XKR6: variants seen among roughly 807,000 people sequenced by gnomAD.
The protein encoded by XKR6 is XK related 6.
Under a neutral mutation model 56.7 loss-of-function variants are expected in XKR6, and 22 were observed. The observed-to-expected ratio is 0.39, with a 90% CI of 0.28 to 0.55. The LOEUF (loss-of-function observed/expected upper bound fraction) is 0.55, where lower values mean the gene tolerates loss of function less well. XKR6 is among the 20% of genes least tolerant of loss of function. XKR6 has a pLI of 0.66. For synonymous variants in XKR6, 524 were observed against 387.8 expected, an observed-to-expected ratio of 1.35 and a Z score of -4.13; for missense variants, 852 against 889.0, an observed-to-expected ratio of 0.96 and a Z score of 0.53.
intron 1 of XKR6, among the ~76,000 whole-genome samples, chr8:11,162,805 C>G (rs1271631034): frequency 6.6e-6 from 1 of 152,172 alleles, no homozygotes; most frequent in Admixed American, 6.5e-5. Context: ...TGTAAGAAGC[C>G]GAAGTGTTTC....
In XKR6 at chr8:10,990,373, C is replaced by G. The variant is rs113366859; in HGVS notation, c.765-65543G>C. On this transcript the variant is annotated intron_variant, in intron 1 of 2. Coordinates refer to ENST00000416569, the MANE Select transcript of XKR6 (RefSeq NM_173683.4). ...TGCTCTGGTCCCAAAGGGAGCTGTC[C>G]ATGGTCACAACCCATCGTGGCTGGG... 7.7e-4 allele frequency among the ~76,000 whole-genome samples: 117 copies of G among 152,306 alleles called. 1 individual carries two copies. In the South Asian group the frequency reaches 8.3e-3, roughly 11 times the overall value.
chr8:11,045,350 A>T (rs528598799), intron 1 of XKR6, among the ~76,000 whole-genome samples: 1 of 152,016 alleles, frequency 6.6e-6, no homozygotes, highest in African/African-American at 2.4e-5. Flanking sequence ...GGCCTCCCAG[A>T]GTGCTGGGAT....
At chr8:11,001,792 C>T (rs977377856) in intron 1 of XKR6, among the ~76,000 whole-genome samples, 6 of 152,190 alleles carry the variant, frequency 3.9e-5, no homozygotes, top group Admixed American at 6.5e-5. Flanking sequence ...TCCCAGTGGG[C>T]AGAGCAGCCC....
At position 10,972,123 on chromosome 8, in the gene XKR6, C is replaced by T. The variant is rs186941321; in HGVS notation, c.765-47293G>A. Among the ~76,000 whole-genome samples, 8 of 152,228 alleles carry T rather than the reference C, an allele frequency of 5.3e-5. No individual in the cohort carries two copies. The East Asian group carries it at 1.4e-3, about 26-fold the overall frequency. ...CTGGCTGGAACACCCTGAGTGCCTTCCGACCCCGACTGCTTGGGGGTTCAT... is the reference window on the plus strand; with the variant it reads ...CTGGCTGGAACACCCTGAGTGCCTTTCGACCCCGACTGCTTGGGGGTTCAT... On this transcript the variant is annotated intron_variant, in intron 1 of 2. Transcript: ENST00000416569.
intron 1 of XKR6, among the ~76,000 whole-genome samples, chr8:11,071,150 G>A (rs950422353): frequency 1.3e-5 from 2 of 152,230 alleles, no homozygotes; most frequent in Non-Finnish European, 2.9e-5. Context: ...GGTGGGCAAA[G>A]CAGTGAGGTG....
intron 1 of XKR6, among the ~76,000 whole-genome samples, chr8:10,970,433 A>G (rs1802372767): frequency 6.6e-6 from 1 of 152,196 alleles, no homozygotes. Context: ...ATTCTCCACC[A>G]TGTGACTGGC....
chr8:10,907,942 C>T (rs1396979719), intron 2 of XKR6, among the ~76,000 whole-genome samples: 1 of 152,348 alleles, frequency 6.6e-6, no homozygotes, highest in South Asian at 2.1e-4. Flanking sequence ...ATCTGCCCTC[C>T]TCCCAACACT....
At chr8:10,992,070 A>G (rs1798006050) in intron 1 of XKR6, among the ~76,000 whole-genome samples, 1 of 152,198 alleles carries the variant, frequency 6.6e-6, no homozygotes, top group South Asian at 2.1e-4. Flanking sequence ...TCCTGCCGCC[A>G]GGCCTCCACA....
intron 1 of XKR6, among the ~76,000 whole-genome samples, chr8:10,959,180 T>G (rs930456307): frequency 4.6e-5 from 7 of 152,168 alleles, no homozygotes; most frequent in African/African-American, 1.7e-4. Context: ...CTTCTCCTGG[T>G]CACCGGATCT....
chr8:11,043,111 G>A (rs4349949), intron 1 of XKR6, among the ~76,000 whole-genome samples: 53,030 of 151,968 alleles, frequency 0.35, 11,504 homozygotes, highest in African/African-American at 0.62. Flanking sequence ...GGCTCCCTAG[G>A]AACTCCATGC....
At chr8:11,156,782 T>C (rs986241525) in intron 1 of XKR6, among the ~76,000 whole-genome samples, 4 of 151,780 alleles carry the variant, frequency 2.6e-5, no homozygotes, top group African/African-American at 9.7e-5. Context: ...AGGTAAATAC[T>C]CCCCAGTCCA....
chr8:11,108,076 G>C (rs113902964), intron 1 of XKR6: 23 of 334,504 alleles, frequency 6.9e-5, no homozygotes, highest in South Asian at 3.0e-4. Flanking sequence ...CGATGTAACA[G>C]GTGGAGAATC....
intron 1 of XKR6, among the ~76,000 whole-genome samples, chr8:10,967,169 G>A (rs1176308858): frequency 6.6e-6 from 1 of 152,166 alleles, no homozygotes; most frequent in Non-Finnish European, 1.5e-5. Context: ...ATACTCACTG[G>A]CAGTGCAATC....
chr8:11,195,565 A>G (rs552776602), intron 1 of XKR6, among the ~76,000 whole-genome samples: 4 of 152,226 alleles, frequency 2.6e-5, no homozygotes, highest in Admixed American at 2.6e-4. Flanking sequence ...ACATTCTTCA[A>G]AGTTTTTTTT....
intron 1 of XKR6, chr8:11,104,733 A>C (rs560607445): frequency 6.6e-6 from 1 of 152,214 alleles, no homozygotes; most frequent in Non-Finnish European, 1.5e-5. Context: ...TTTTTTGCAG[A>C]TTGGTGGCTA....
At chr8:11,022,832 G>T (rs746897516) in intron 1 of XKR6, among the ~76,000 whole-genome samples, 1 of 152,104 alleles carries the variant, frequency 6.6e-6, no homozygotes, top group Non-Finnish European at 1.5e-5. Flanking sequence ...TTTTTTATTT[G>T]TTATAAATAT....
intron 1 of XKR6, among the ~76,000 whole-genome samples, chr8:11,070,453 A>G (rs1282880983): frequency 6.6e-6 from 1 of 152,192 alleles, no homozygotes; most frequent in Non-Finnish European, 1.5e-5. Flanking sequence ...GTAGGAGGAG[A>G]AGATCAGAAA....
intron 1 of XKR6, among the ~76,000 whole-genome samples, chr8:10,964,181 G>A (rs1355103897): frequency 6.6e-6 from 1 of 152,112 alleles, no homozygotes; most frequent in Non-Finnish European, 1.5e-5. Context: ...GGGGCTGCCT[G>A]AGCTTCTCCT....
chr8:11,149,056 G>T (rs1010361969), intron 1 of XKR6, among the ~76,000 whole-genome samples: 1 of 152,198 alleles, frequency 6.6e-6, no homozygotes, highest in Non-Finnish European at 1.5e-5. Flanking sequence ...AAACTGTGGG[G>T]GTCTCAGGAC....
Sources: gnomAD v4.1 joint callset for allele counts (sites outside exome capture counted in the v4.1 genomes callset) on GRCh38, gnomAD v4.1.1 for gene constraint, MANE v1.5 for transcripts, NCBI Gene and HGNC (gene_info 2026-07-23, HGNC 2026-07-21) for gene names.